The following ANO6 variants were observed in gnomAD, a reference collection of about 807,000 sequenced individuals.
ANO6 encodes anoctamin 6.
In ANO6, 106 loss-of-function variants were observed where a neutral mutation model predicts 117.5. The ratio of observed to expected loss-of-function variants is 0.90; its 90% CI spans 0.77 to 1.06. ANO6 has a LOEUF of 1.06. Ranked by LOEUF, ANO6 falls within the 50% of genes least tolerant of loss-of-function variation. The probability of loss-of-function intolerance (pLI) is 0.00; values close to 1 mark genes in which losing one functional copy is unlikely to be tolerated. For synonymous variants in ANO6, 367 were observed against 385.1 expected, an observed-to-expected ratio of 0.95 and a Z score of 0.55; for missense variants, 955 against 1,121.1, an observed-to-expected ratio of 0.85 and a Z score of 2.12.
rs979895634 is a variant in ANO6 at position 45,429,534 on chromosome 12, A to G, written c.*223A>G. On this transcript the variant is annotated 3_prime_UTR_variant, in exon 20 of 20. Transcript: ENST00000320560. Reference sequence around the variant, plus strand: ...AAAACTTATCACCCGGAAAACCTCAATGTTACCTTTTTCTGATAAATTGGA... The same window carrying G: ...AAAACTTATCACCCGGAAAACCTCAGTGTTACCTTTTTCTGATAAATTGGA... 9 of 1,342,444 alleles carry G rather than the reference A, an allele frequency of 6.7e-6. No homozygotes were observed. Among genetic ancestry groups the G allele is most frequent in the African/African-American group, 1.5e-5 (1 of 67,774 alleles). The allele number at this position is 1,342,444 out of a possible 1,614,324, so 83.2% of individuals were successfully genotyped here.
At chr12:45,240,100 T>C (rs1471513748) in intron 1 of ANO6, among the ~76,000 whole-genome samples, 3 of 152,174 alleles carry the variant, frequency 2.0e-5, no homozygotes, top group South Asian at 4.1e-4. Context: ...TTCTCGTTGA[T>C]CTGTCTAATA....
intron 2 of ANO6, among the ~76,000 whole-genome samples, chr12:45,321,203 C>T (rs997613125): frequency 1.3e-5 from 2 of 152,080 alleles, no homozygotes; most frequent in African/African-American, 4.8e-5. Context: ...TAAAAGGAAG[C>T]GTATTTTAAA....
intron 3 of ANO6, among the ~76,000 whole-genome samples, chr12:45,345,333 C>A (rs185875235): frequency 6.6e-6 from 1 of 152,296 alleles, no homozygotes; most frequent in East Asian, 1.9e-4. Flanking sequence ...GCTTCACCTA[C>A]TTCTAGTTTA....
intron 17 of ANO6, 113 bp downstream of exon 17, chr12:45,417,017 C>T: frequency 2.9e-6 from 3 of 1,022,108 alleles, no homozygotes; most frequent in Non-Finnish European, 4.5e-6. Context: ...CTAAGTCTGT[C>T]ATCCACATAA....
At position 45,267,560 on chromosome 12, in the gene ANO6, C is replaced by A. The variant is rs147751636; in HGVS notation, c.71-34454C>A. 9.6e-3 allele frequency among the ~76,000 whole-genome samples: 1,457 copies of A among 152,190 alleles called. 24 individuals are homozygous for A. The highest frequency in any genetic ancestry group is 0.033 in the African/African-American group (1,371 of 41,502). On this transcript the variant is annotated intron_variant, in intron 1 of 19. Coordinates refer to ENST00000320560, the MANE Select transcript of ANO6 (RefSeq NM_001025356.3). The stretch of plus-strand genomic sequence containing the variant: ...ATCCCAGCACTTTGGGAGGCCGAGG[C>A]GGGTGGATCACTTGAGGGTCAGGAG...
chr12:45,306,312 G>A (rs566189428), intron 2 of ANO6, among the ~76,000 whole-genome samples: 10 of 152,174 alleles, frequency 6.6e-5, no homozygotes, highest in Non-Finnish European at 1.2e-4. Flanking sequence ...TAGTCTCTAC[G>A]AAATTTGGAA....
At chr12:45,371,331 A>G (rs1379418115) in intron 9 of ANO6, among the ~76,000 whole-genome samples, 2 of 152,232 alleles carry the variant, frequency 1.3e-5, no homozygotes, top group African/African-American at 2.4e-5. Context: ...CAAAGCAGCC[A>G]GGAAGCTCGA....
rs905355504 is a variant in ANO6 at position 45,309,134 on chromosome 12, A to G, written c.150+7041A>G. Reference sequence around the variant, plus strand: ...GGATGGCAAGGGCTGGGGTGGGACTATGGCATTAGTGCATGAAAGGGAGAA... The same window carrying G: ...GGATGGCAAGGGCTGGGGTGGGACTGTGGCATTAGTGCATGAAAGGGAGAA... On this transcript the variant is annotated intron_variant, in intron 2 of 19. Transcript: ENST00000320560. Among the ~76,000 whole-genome samples, 6 of 152,130 alleles carry G rather than the reference A, an allele frequency of 3.9e-5. No homozygotes were observed. In the East Asian group the frequency reaches 1.2e-3, roughly 29 times the overall value.
rs114499061 is a variant in ANO6 at position 45,254,534 on chromosome 12, C to G, written c.70+38143C>G. 9.9e-3 allele frequency among the ~76,000 whole-genome samples: 1,510 copies of G among 152,322 alleles called. 25 individuals are homozygous for G. The highest frequency in any genetic ancestry group is 0.034 in the African/African-American group (1,411 of 41,582). ...TGAAGGCGTCATAGATACTAACAAT[C>G]ACTTGTACTTACAGGACCAACTCTT... On this transcript the variant is annotated intron_variant, in intron 1 of 19. Coordinates refer to ENST00000320560, the MANE Select transcript of ANO6 (RefSeq NM_001025356.3).
At chr12:45,253,857 A>G (rs940721256) in intron 1 of ANO6, among the ~76,000 whole-genome samples, 2 of 152,170 alleles carry the variant, frequency 1.3e-5, no homozygotes, top group African/African-American at 4.8e-5. Context: ...CTCTCCATGT[A>G]ATAATTCACC....
In ANO6 at chr12:45,216,199, C is replaced by A; in HGVS notation, c.-123C>A. The A allele has an allele frequency of 8.7e-7, 1 of 1,147,042 alleles. No individual in the cohort carries two copies. Among genetic ancestry groups the A allele is most frequent in the Non-Finnish European group, 1.3e-6 (1 of 789,186 alleles). 71.1% of individuals were successfully genotyped at this position (1,147,042 alleles called of 1,614,324 possible). On this transcript the variant is annotated 5_prime_UTR_variant, in exon 1 of 20. Transcript: ENST00000320560. Reference sequence around the variant, plus strand: ...CCCCGGCGCTGGCTGGGCTCAGCGGCCCCTGAGCCCAAGCGACACACGCCC... The same window carrying A: ...CCCCGGCGCTGGCTGGGCTCAGCGGACCCTGAGCCCAAGCGACACACGCCC...
At chr12:45,356,934 C>T (rs940306535) in intron 7 of ANO6, among the ~76,000 whole-genome samples, 11 of 152,200 alleles carry the variant, frequency 7.2e-5, no homozygotes, top group African/African-American at 2.7e-4. Context: ...TCATTTGTCT[C>T]ATGCATATAA....
At chr12:45,358,600 A>G (rs1026917673) in intron 8 of ANO6, among the ~76,000 whole-genome samples, 10 of 152,346 alleles carry the variant, frequency 6.6e-5, no homozygotes, top group African/African-American at 2.4e-4. Flanking sequence ...CATATTTCCT[A>G]GCATTTCACA....
At chr12:45,259,632 T>G (rs896302208) in intron 1 of ANO6, among the ~76,000 whole-genome samples, 2 of 152,192 alleles carry the variant, frequency 1.3e-5, no homozygotes, top group Non-Finnish European at 2.9e-5. Flanking sequence ...CCACCTCCTT[T>G]CAGCAAACAG....
At chr12:45,218,303 A>C (rs940192122) in intron 1 of ANO6, among the ~76,000 whole-genome samples, 1 of 151,826 alleles carries the variant, frequency 6.6e-6, no homozygotes, top group Non-Finnish European at 1.5e-5. Flanking sequence ...GGTCTTGGCA[A>C]TATTTTTTTC....
Position 45,302,005 on chromosome 12 carries a change from CG to C in ANO6, c.71-8del, listed in dbSNP as rs780448494. 26 of 1,613,114 alleles carry C rather than the reference CG, an allele frequency of 1.6e-5. No homozygotes were observed. In the Admixed American group the frequency reaches 3.2e-4, roughly 20 times the overall value. On this transcript the variant is annotated splice_polypyrimidine_tract_variant and splice_region_variant and intron_variant, in intron 1 of 19. Transcript: ENST00000320560. Reference sequence around the variant, plus strand: ...TGCTTCATTTGTTTATATATTCATTCGTTTTTAGTGTTGGAAAACCTTGGAC... The same window carrying C: ...TGCTTCATTTGTTTATATATTCATTCTTTTTAGTGTTGGAAAACCTTGGAC...
chr12:45,299,851 C>CA (rs1289105471), intron 1 of ANO6, among the ~76,000 whole-genome samples: 8 of 149,762 alleles, frequency 5.3e-5, no homozygotes, highest in African/African-American at 1.7e-4. Flanking sequence ...GACTCCATCT[C>CA]AAAAAAAAGA....
rs147525774 is a variant in ANO6, at chr12:45,373,463, A to C, written c.1105-4590A>C. Among the ~76,000 whole-genome samples the C allele has an allele frequency of 5.4e-3, 822 of 152,326 alleles. 14 individuals carry two copies. The highest frequency in any genetic ancestry group is 0.019 in the African/African-American group (773 of 41,548). Reference sequence around the variant, plus strand: ...CAAAATTGACCACATACTTGGAAATAAAGCTCTCCTCAGCGAATGTAAAAG... The same window carrying C: ...CAAAATTGACCACATACTTGGAAATCAAGCTCTCCTCAGCGAATGTAAAAG... On this transcript the variant is annotated intron_variant, in intron 9 of 19. Coordinates refer to ENST00000320560, the MANE Select transcript of ANO6 (RefSeq NM_001025356.3).
chr12:45,218,326 G>T (rs1947346303), intron 1 of ANO6, among the ~76,000 whole-genome samples: 1 of 150,182 alleles, frequency 6.7e-6, no homozygotes, highest in South Asian at 2.1e-4. Flanking sequence ...CTCAGTGAAT[G>T]AAAAGATATG....
Sources: gnomAD v4.1 joint callset for allele counts (sites outside exome capture counted in the v4.1 genomes callset) on GRCh38, gnomAD v4.1.1 for gene constraint, MANE v1.5 for transcripts, NCBI Gene and HGNC (gene_info 2026-07-23, HGNC 2026-07-21) for gene names.